Variants in FHIT observed in about 807,000 individuals in gnomAD.
FHIT encodes bis(5'-adenosyl)-triphosphatase.
FHIT carries 19 observed loss-of-function variants against 17.9 expected under a neutral mutation model. The observed-to-expected ratio is 1.06, with a 90% CI of 0.74 to 1.56. The LOEUF (loss-of-function observed/expected upper bound fraction) is 1.56. Among genes scored for constraint, FHIT ranks in the 40% most tolerant of loss-of-function variants. The pLI is 0.00. For missense variants in FHIT, 248 were observed against 189.2 expected, an observed-to-expected ratio of 1.31 and a Z score of -1.82; for synonymous variants, 81 against 69.7, an observed-to-expected ratio of 1.16 and a Z score of -0.81.
At chr3:60,260,384 G>T (rs1706229656) in intron 5 of FHIT, among the ~76,000 whole-genome samples, 1 of 151,336 alleles carries the variant, frequency 6.6e-6, no homozygotes, top group Non-Finnish European at 1.5e-5. Context: ...ATAGTGTCAG[G>T]AGAAACAAAG....
chr3:60,842,530 T>A (rs1221542797), intron 3 of FHIT, among the ~76,000 whole-genome samples: 2 of 150,250 alleles, frequency 1.3e-5, no homozygotes, highest in East Asian at 1.9e-4. Flanking sequence ...ATTTAAAACA[T>A]CTTTGATATT....
chr3:60,386,633 A>C (rs1004398425), intron 5 of FHIT, among the ~76,000 whole-genome samples: 1 of 152,132 alleles, frequency 6.6e-6, no homozygotes. Flanking sequence ...CCTCTTCTCT[A>C]AACAATTTCT....
intron 5 of FHIT, among the ~76,000 whole-genome samples, chr3:60,140,902 C>A (rs1700014148): frequency 6.6e-6 from 1 of 152,164 alleles, no homozygotes; most frequent in Middle Eastern, 3.4e-3. Context: ...CTCTTAACAA[C>A]ACTGAGTACT....
At chr3:59,855,008 C>T (rs945501253) in intron 8 of FHIT, among the ~76,000 whole-genome samples, 2 of 152,204 alleles carry the variant, frequency 1.3e-5, no homozygotes, top group Non-Finnish European at 2.9e-5. Flanking sequence ...CTTTCCAAAA[C>T]TCATATCCAG....
At chr3:60,171,506 T>C (rs1701414506) in intron 5 of FHIT, among the ~76,000 whole-genome samples, 1 of 152,168 alleles carries the variant, frequency 6.6e-6, no homozygotes, top group African/African-American at 2.4e-5. Flanking sequence ...GGATGCTGAA[T>C]TGCTGAATTT....
intron 5 of FHIT, among the ~76,000 whole-genome samples, chr3:60,326,693 T>C (rs1483950901): frequency 6.6e-6 from 1 of 152,174 alleles, no homozygotes; most frequent in African/African-American, 2.4e-5. Context: ...ATTTAAAAAA[T>C]GGACGATGTC....
chr3:60,154,650 A>G (rs992962745), intron 5 of FHIT, among the ~76,000 whole-genome samples: 1 of 152,174 alleles, frequency 6.6e-6, no homozygotes, highest in Non-Finnish European at 1.5e-5. Context: ...GTGGTGCTAA[A>G]CCTTCATTAG....
At chr3:60,507,474 T>G (rs2034780568) in intron 5 of FHIT, among the ~76,000 whole-genome samples, 1 of 152,218 alleles carries the variant, frequency 6.6e-6, no homozygotes, top group Admixed American at 6.5e-5. Context: ...GTTTTTTGTT[T>G]TGTTTTGTTT....
chr3:60,409,287 A>G (rs1402946943), intron 5 of FHIT, among the ~76,000 whole-genome samples: 1 of 152,216 alleles, frequency 6.6e-6, no homozygotes, highest in African/African-American at 2.4e-5. Context: ...CTGAAAACAT[A>G]AATCCTGGAG....
chr3:60,938,393 A>G (rs782595153), intron 3 of FHIT, among the ~76,000 whole-genome samples: 17 of 152,170 alleles, frequency 1.1e-4, no homozygotes, highest in Non-Finnish European at 1.8e-4. Flanking sequence ...GGTTTTCTCA[A>G]CACACAGTAT....
chr3:60,593,037 A>T (rs2038138164), intron 4 of FHIT, among the ~76,000 whole-genome samples: 2 of 152,150 alleles, frequency 1.3e-5, no homozygotes, highest in Admixed American at 6.6e-5. Flanking sequence ...AGGCATAAAG[A>T]GAAGCCTGCC....
intron 5 of FHIT, among the ~76,000 whole-genome samples, chr3:60,252,501 C>T (rs1233208073): frequency 6.6e-6 from 1 of 151,980 alleles, no homozygotes; most frequent in Non-Finnish European, 1.5e-5. Context: ...GGGGTCAAGG[C>T]TGCACTGCGG....
At chr3:59,872,793 G>A (rs1702981146) in intron 8 of FHIT, among the ~76,000 whole-genome samples, 1 of 152,110 alleles carries the variant, frequency 6.6e-6, no homozygotes, top group South Asian at 2.1e-4. Flanking sequence ...TGAATTCTGG[G>A]CAAGGGTCCC....
At chr3:60,931,918 A>C (rs1707975474) in intron 3 of FHIT, among the ~76,000 whole-genome samples, 1 of 152,154 alleles carries the variant, frequency 6.6e-6, no homozygotes, top group South Asian at 2.1e-4. Flanking sequence ...CTATGTGAAA[A>C]ATTCTGTGGA....
intron 5 of FHIT, among the ~76,000 whole-genome samples, chr3:60,519,216 C>G (rs2035269042): frequency 6.6e-6 from 1 of 152,122 alleles, no homozygotes; most frequent in South Asian, 2.1e-4. Context: ...GGCAGATATT[C>G]TTATGATTAG....
chr3:60,149,358 G>T lies in FHIT; in HGVS notation c.104-135206C>A, dbSNP rs998970226. Among the ~76,000 whole-genome samples the T allele has an allele frequency of 3.3e-5, 5 of 150,904 alleles. 1 individual carries two copies. Among genetic ancestry groups the T allele is most frequent in the African/African-American group, 1.2e-4 (5 of 41,172 alleles). ...TTCAACATGCTTTTTTTTTTTTCAGGATCAATGTTGATGGACTGTATTGAA... is the reference window on the plus strand; with the variant it reads ...TTCAACATGCTTTTTTTTTTTTCAGTATCAATGTTGATGGACTGTATTGAA... On this transcript the variant is annotated intron_variant, in intron 5 of 9. Coordinates refer to ENST00000492590, the MANE Select transcript of FHIT (RefSeq NM_002012.4).
chr3:59,794,220 G>C (rs757021016), intron 8 of FHIT, among the ~76,000 whole-genome samples: 2 of 152,164 alleles, frequency 1.3e-5, no homozygotes, highest in Non-Finnish European at 2.9e-5. Flanking sequence ...TGACTTAAAC[G>C]AAACAACAGA....
At chr3:59,826,968 T>G (rs1445468649) in intron 8 of FHIT, among the ~76,000 whole-genome samples, 2 of 152,186 alleles carry the variant, frequency 1.3e-5, no homozygotes, top group Non-Finnish European at 2.9e-5. Flanking sequence ...CCTCAACAGA[T>G]TTCAAAATCC....
chr3:60,060,012 G>A (rs1252103188), intron 5 of FHIT, among the ~76,000 whole-genome samples: 2 of 151,680 alleles, frequency 1.3e-5, no homozygotes, highest in African/African-American at 2.4e-5. Flanking sequence ...TTTTCCTTTT[G>A]CTTTGATAAA....
Sources: gnomAD v4.1 joint callset for allele counts (sites outside exome capture counted in the v4.1 genomes callset) on GRCh38, gnomAD v4.1.1 for gene constraint, MANE v1.5 for transcripts, NCBI Gene and HGNC (gene_info 2026-07-23, HGNC 2026-07-21) for gene names.